LSM1: variants seen among roughly 807,000 people sequenced by gnomAD.
LSM1 encodes U6 snRNA-associated Sm-like protein LSm1.
Under a neutral mutation model 18.0 loss-of-function variants are expected in LSM1, and 13 were observed. The ratio of observed to expected loss-of-function variants is 0.72; its 90% CI spans 0.47 to 1.15. The LOEUF (loss-of-function observed/expected upper bound fraction) is 1.15, where lower values mean the gene tolerates loss of function less well. Ranked by LOEUF, LSM1 falls within the 50% of genes most tolerant of loss-of-function variation. LSM1 has a pLI of 0.00. For synonymous variants in LSM1, 46 were observed against 56.0 expected, an observed-to-expected ratio of 0.82 and a Z score of 0.80; for missense variants, 152 against 157.7, an observed-to-expected ratio of 0.96 and a Z score of 0.19.
chr8:38,163,830 T>G lies in LSM1; in HGVS notation c.242A>C (p.Lys81Thr). ...VVLLGEIDLE[K>T]ESDTPLQQVS... is the part of the protein sequence containing the mutation. ...TTGCTGGAGGGGTGTGTCACTCTCCTTTTCCAAGTCCTACAAAAGAGACAG... is the reference window on the plus strand; with the variant it reads ...TTGCTGGAGGGGTGTGTCACTCTCCGTTTCCAAGTCCTACAAAAGAGACAG... The change falls in exon 4 of 4, where the codon AAG (lysine) becomes ACG (threonine). Residue 81 changes from lysine (K) to threonine (T), a missense_variant. Coordinates refer to ENST00000311351, the MANE Select transcript of LSM1 (RefSeq NM_014462.3). The G allele has an allele frequency of 6.2e-7, 1 of 1,613,954 alleles. No homozygotes were observed. The highest frequency in any genetic ancestry group is 1.7e-4 in the Middle Eastern group (1 of 6,058).
chr8:38,169,444 A>G (rs1472740235), intron 3 of LSM1, among the ~76,000 whole-genome samples: 1 of 152,190 alleles, frequency 6.6e-6, no homozygotes, highest in Non-Finnish European at 1.5e-5. Flanking sequence ...ATTGTACTGT[A>G]CAGGCAATAT....
chr8:38,175,366 C>A (rs2130650859), intron 1 of LSM1, among the ~76,000 whole-genome samples: 1 of 152,238 alleles, frequency 6.6e-6, no homozygotes, highest in East Asian at 1.9e-4. Flanking sequence ...CCGCGCCAGG[C>A]CCGTAAAATG....
intron 1 of LSM1, among the ~76,000 whole-genome samples, chr8:38,173,535 GAAA>G (rs1179922222): frequency 6.6e-6 from 1 of 152,168 alleles, no homozygotes; most frequent in East Asian, 1.9e-4. Context: ...TAGGGAACAA[GAAA>G]ACATTAAGTG....
chr8:38,172,602 G>A (rs907263582), intron 1 of LSM1, among the ~76,000 whole-genome samples: 5 of 152,110 alleles, frequency 3.3e-5, no homozygotes, highest in Admixed American at 6.6e-5. Context: ...GATTACAGGC[G>A]TGAACCATGG....
At position 38,163,646 on chromosome 8, in the gene LSM1, A is replaced by C. The variant is rs1375730745; in HGVS notation, c.*24T>G. On this transcript the variant is annotated 3_prime_UTR_variant, in exon 4 of 4. Transcript: ENST00000311351. Reference sequence around the variant, plus strand: ...TCAGTGACAGCCCCTACTCTTCAAGAGCCAACAGCCTCTGGGCAAAAGATT... The same window carrying C: ...TCAGTGACAGCCCCTACTCTTCAAGCGCCAACAGCCTCTGGGCAAAAGATT... 1 of 1,611,596 alleles carries C rather than the reference A, an allele frequency of 6.2e-7. No individual in the cohort carries two copies. The highest frequency in any genetic ancestry group is 1.7e-5 in the Admixed American group (1 of 59,904).
intron 3 of LSM1, 64 bp from the exon 4 acceptor site, chr8:38,163,904 G>A (rs1802883779): frequency 1.4e-6 from 2 of 1,383,212 alleles, no homozygotes; most frequent in Non-Finnish European, 1.0e-6. Flanking sequence ...CAGATCTCAA[G>A]GCAAATGGAT....
Position 38,171,205 on chromosome 8 carries a change from G to A in LSM1, c.115+760C>T, listed in dbSNP as rs149689283. Among the ~76,000 whole-genome samples the A allele has an allele frequency of 7.2e-5, 11 of 152,282 alleles. No individual in the cohort carries two copies. The East Asian group carries it at 2.1e-3, about 29-fold the overall frequency. On this transcript the variant is annotated intron_variant, in intron 2 of 3. Transcript: ENST00000311351. Reference sequence around the variant, plus strand: ...AGGGATTACCTTCACTTCCGGAACTGCTTTGAAGTCATTTTACCCTGCCAA... The same window carrying A: ...AGGGATTACCTTCACTTCCGGAACTACTTTGAAGTCATTTTACCCTGCCAA...
Position 38,176,428 on chromosome 8 carries a change from C to T in LSM1, c.-108G>A. ...CTCGGTGGGACCAAGCCCGGAATCC[C>T]GACCGAGACCAGCACTTCTGCCCCG... On this transcript the variant is annotated 5_prime_UTR_variant, in exon 1 of 4. Transcript: ENST00000311351. The T allele has an allele frequency of 1.2e-6, 1 of 850,036 alleles. No homozygotes were observed. The allele number at this position is 850,036 out of a possible 1,614,324, so 52.7% of individuals were successfully genotyped here. A position where few individuals can be genotyped will look rare whatever the true frequency, so the allele number is the denominator to read the frequency against.
Position 38,172,046 on chromosome 8 carries a change from G to T in LSM1, c.47-13C>A, listed in dbSNP as rs1172797496. The T allele has an allele frequency of 5.0e-6, 8 of 1,594,254 alleles. No homozygotes were observed. The highest frequency in any genetic ancestry group is 6.9e-6 in the Non-Finnish European group (8 of 1,167,752). ...ACCAAGTGCTTTTCTGGGGAGAGAG[G>T]AAAAAATCTTTTAAATGAAAACTGA... On this transcript the variant is annotated splice_polypyrimidine_tract_variant and intron_variant, in intron 1 of 3. Transcript: ENST00000311351.
intron 1 of LSM1, among the ~76,000 whole-genome samples, chr8:38,174,273 G>T (rs879702553): frequency 3.3e-5 from 5 of 152,086 alleles, no homozygotes; most frequent in Admixed American, 3.3e-4. Flanking sequence ...AGAACGCAGG[G>T]GTTGGGGAGA....
At chr8:38,168,251 G>A (rs915810361) in intron 3 of LSM1, among the ~76,000 whole-genome samples, 1 of 148,800 alleles carries the variant, frequency 6.7e-6, no homozygotes, top group Non-Finnish European at 1.5e-5. Flanking sequence ...GTGAGGCACC[G>A]CACCTGGCCT....
intron 1 of LSM1, among the ~76,000 whole-genome samples, chr8:38,175,173 C>T (rs1257680104): frequency 6.6e-6 from 1 of 150,638 alleles, no homozygotes; most frequent in Non-Finnish European, 1.5e-5. Context: ...CTTCTCCTCC[C>T]GGGTTCAAGC....
chr8:38,174,497 G>A (rs751666557), intron 1 of LSM1, among the ~76,000 whole-genome samples: 1 of 152,078 alleles, frequency 6.6e-6, no homozygotes, highest in Non-Finnish European at 1.5e-5. Context: ...AAAGTAGGGG[G>A]TCTGGAATCT....
At chr8:38,165,087 G>A (rs1482796912) in intron 3 of LSM1, among the ~76,000 whole-genome samples, 6 of 151,942 alleles carry the variant, frequency 3.9e-5, no homozygotes, top group East Asian at 1.9e-4. Flanking sequence ...GGTGGCTCAC[G>A]CTTGTAATCC....
rs1233509406 is a variant in LSM1 at position 38,163,421 on chromosome 8, A to T, written c.*249T>A. ...TTGGGATATGAAGAACAATATAAAG[A>T]AGTAGTTGCTGGTGCCACAGTGATG... On this transcript the variant is annotated 3_prime_UTR_variant, in exon 4 of 4. Coordinates refer to ENST00000311351, the MANE Select transcript of LSM1 (RefSeq NM_014462.3). The T allele has an allele frequency of 5.3e-6, 2 of 374,004 alleles. No homozygotes were observed. Among genetic ancestry groups the T allele is most frequent in the African/African-American group, 2.0e-5 (1 of 49,330 alleles). The allele number at this position is 374,004 out of a possible 1,614,324, so 23.2% of individuals were successfully genotyped here.
At chr8:38,169,062 G>T (rs1039072674) in intron 3 of LSM1, among the ~76,000 whole-genome samples, 4 of 152,144 alleles carry the variant, frequency 2.6e-5, no homozygotes, top group Non-Finnish European at 5.9e-5. Context: ...AGAAGACAGT[G>T]CTGGCTCAAC....
In LSM1 at chr8:38,171,945, G is replaced by GTCCATAAATTAATACATACCAAATTGA. The variant is rs1211533028; in HGVS notation, c.108_115+19dup. 1 of 1,542,272 alleles carries GTCCATAAATTAATACATACCAAATTGA rather than the reference G, an allele frequency of 6.5e-7. No homozygotes were observed. Among genetic ancestry groups the GTCCATAAATTAATACATACCAAATTGA allele is most frequent in the African/African-American group, 1.4e-5 (1 of 72,702 alleles). On this transcript the variant is annotated intron_variant, in intron 2 of 3. Coordinates refer to ENST00000311351, the MANE Select transcript of LSM1 (RefSeq NM_014462.3). ...TGTTATTATCCAGAGTATAAGAGAT[G>GTCCATAAATTAATACATACCAAATTGA]TCCATAAATTAATACATACCAAATT...
chr8:38,170,785 C>T (rs978446266), intron 2 of LSM1, among the ~76,000 whole-genome samples: 10 of 152,210 alleles, frequency 6.6e-5, no homozygotes, highest in African/African-American at 2.4e-4. Context: ...CACTACCCTT[C>T]CCTCAAAGTA....
chr8:38,171,638 G>C (rs1283531026), intron 2 of LSM1, among the ~76,000 whole-genome samples: 1 of 152,206 alleles, frequency 6.6e-6, no homozygotes, highest in Non-Finnish European at 1.5e-5. Context: ...CTGCACTCCA[G>C]CCTGGGTGAC....
Sources: gnomAD v4.1 joint callset for allele counts (sites outside exome capture counted in the v4.1 genomes callset) on GRCh38, gnomAD v4.1.1 for gene constraint, MANE v1.5 for transcripts, NCBI Gene and HGNC (gene_info 2026-07-23, HGNC 2026-07-21) for gene names.